IDE: variants seen among roughly 807,000 people sequenced by gnomAD.
IDE encodes insulin-degrading enzyme.
Under a neutral mutation model 133.2 loss-of-function variants are expected in IDE, and 58 were observed. That is an observed-to-expected ratio of 0.44 (90% CI 0.35 to 0.54). IDE has a LOEUF of 0.54. Among genes scored for constraint, IDE ranks in the 20% least tolerant of loss-of-function variants. The pLI is 0.00. For missense variants in IDE, 981 were observed against 1,234.0 expected, an observed-to-expected ratio of 0.79 and a Z score of 3.07; for synonymous variants, 396 against 421.3, an observed-to-expected ratio of 0.94 and a Z score of 0.73.
At chr10:92,540,628 G>A (rs534462350) in intron 1 of IDE, among the ~76,000 whole-genome samples, 1 of 152,166 alleles carries the variant, frequency 6.6e-6, no homozygotes, top group South Asian at 2.1e-4. Context: ...GTTTGACTTA[G>A]GTAACCAAAA....
intron 4 of IDE, among the ~76,000 whole-genome samples, chr10:92,526,155 A>C (rs1244447347): frequency 6.6e-6 from 1 of 151,092 alleles, no homozygotes; most frequent in Non-Finnish European, 1.5e-5. Context: ...TCCGTCTCAA[A>C]AAAAAAAAAA....
intron 22 of IDE, among the ~76,000 whole-genome samples, chr10:92,458,907 C>T (rs777028553): frequency 2.6e-5 from 4 of 152,100 alleles, no homozygotes; most frequent in Non-Finnish European, 4.4e-5. Context: ...GCTGGGACTA[C>T]AGGCTATTAT....
intron 22 of IDE, among the ~76,000 whole-genome samples, chr10:92,459,367 T>C (rs906982786): frequency 2.6e-5 from 4 of 152,230 alleles, no homozygotes; most frequent in Non-Finnish European, 4.4e-5. Context: ...AGCCTCATTG[T>C]ACCACTAACT....
chr10:92,536,902 G>A (rs1456289775), intron 2 of IDE, among the ~76,000 whole-genome samples: 1 of 151,590 alleles, frequency 6.6e-6, no homozygotes, highest in East Asian at 1.9e-4. Flanking sequence ...GCTGGGCATG[G>A]AGGCCCATGC....
chr10:92,550,336 G>A (rs1842721080), intron 1 of IDE, among the ~76,000 whole-genome samples: 1 of 151,846 alleles, frequency 6.6e-6, no homozygotes, highest in African/African-American at 2.4e-5. Context: ...ATGGGCAAAG[G>A]TCTTAAAAAG....
At chr10:92,483,364 G>A (rs1290482166) in intron 13 of IDE, 27 bp from the exon 14 acceptor site, 3 of 1,277,174 alleles carry the variant, frequency 2.3e-6, no homozygotes, top group Non-Finnish European at 3.4e-6. Context: ...ATTTGGTTAG[G>A]GAAATAGAGG....
chr10:92,502,682 C>T (rs149609497), intron 11 of IDE, among the ~76,000 whole-genome samples: 12 of 152,278 alleles, frequency 7.9e-5, no homozygotes, highest in Non-Finnish European at 1.6e-4. Context: ...TAACATATTA[C>T]GTTATACAAA....
At chr10:92,526,867 AAAG>A (rs1849653766) in intron 4 of IDE, among the ~76,000 whole-genome samples, 1 of 151,078 alleles carries the variant, frequency 6.6e-6, no homozygotes, top group African/African-American at 2.4e-5. Context: ...AAAAAAAAAA[AAAG>A]GACAGGGTCT....
intron 1 of IDE, among the ~76,000 whole-genome samples, chr10:92,549,935 G>A (rs1280426855): frequency 6.6e-6 from 1 of 152,078 alleles, no homozygotes; most frequent in Non-Finnish European, 1.5e-5. Flanking sequence ...TTGGGAGGCC[G>A]AGGCAGGCAG....
intron 21 of IDE, among the ~76,000 whole-genome samples, chr10:92,463,503 G>A (rs1845505397): frequency 1.3e-5 from 2 of 152,096 alleles, no homozygotes; most frequent in African/African-American, 2.4e-5. Flanking sequence ...TGTGAGATAT[G>A]GGTAGATCCA....
In IDE at chr10:92,505,748, T is replaced by C. The variant is rs79840545; in HGVS notation, c.1326+694A>G. Among the ~76,000 whole-genome samples, 18 of 152,216 alleles carry C rather than the reference T, an allele frequency of 1.2e-4. No homozygotes were observed. The East Asian group carries it at 2.9e-3, about 24-fold the overall frequency. ...AGAACCTAGCCAGGCAAAGATCAGA[T>C]AGAACAGTGTTTCATGTAGAGAAAA... is the stretch of plus-strand genomic sequence containing the variant. On this transcript the variant is annotated intron_variant, in intron 10 of 24. Coordinates refer to ENST00000265986, the MANE Select transcript of IDE (RefSeq NM_004969.4).
intron 4 of IDE, among the ~76,000 whole-genome samples, chr10:92,525,445 C>G (rs1849571645): frequency 6.6e-6 from 1 of 152,040 alleles, no homozygotes; most frequent in African/African-American, 2.4e-5. Flanking sequence ...TCATATGGAA[C>G]AGCGAAAAAG....
chr10:92,473,765 G>C (rs980417277), intron 17 of IDE, among the ~76,000 whole-genome samples: 17 of 152,130 alleles, frequency 1.1e-4, no homozygotes, highest in African/African-American at 4.1e-4. Context: ...CGGATCACCG[G>C]AGGTCAGGAG....
At chr10:92,542,722 C>T (rs956696964) in intron 1 of IDE, among the ~76,000 whole-genome samples, 5 of 152,128 alleles carry the variant, frequency 3.3e-5, no homozygotes, top group African/African-American at 7.2e-5. Context: ...GAAGGGAATT[C>T]GTGAGCGAAG....
chr10:92,461,285 AT>A, intron 21 of IDE, 33 bp from the exon 22 acceptor site: 2 of 1,083,092 alleles, frequency 1.8e-6, no homozygotes, highest in Non-Finnish European at 1.4e-6. Flanking sequence ...TTTTACTAAC[AT>A]TTTCATATGA....
Position 92,454,439 on chromosome 10 carries a change from A to C in IDE, c.*5T>G, listed in dbSNP as rs770778578. On this transcript the variant is annotated 3_prime_UTR_variant, in exon 25 of 25. Transcript: ENST00000265986. ...CACTTGCACTTTCCCATGCATGGGG[A>C]ATCTTCAGAGTTTTGCAGCCATGAA... 152 of 1,595,566 alleles carry C rather than the reference A, an allele frequency of 9.5e-5. No individual in the cohort carries two copies. The highest frequency in any genetic ancestry group is 1.3e-4 in the Non-Finnish European group (148 of 1,163,194).
chr10:92,484,423 C>G (rs961634200), intron 13 of IDE, among the ~76,000 whole-genome samples: 9 of 150,684 alleles, frequency 6.0e-5, no homozygotes, highest in Admixed American at 4.0e-4. Flanking sequence ...TCTCAAAAAA[C>G]AAAACAAAAC....
chr10:92,514,941 C>T lies in IDE; in HGVS notation c.763G>A (p.Ala255Thr). ...HSAYYSSNLMAVCVLGRESLD... is the reference protein window; with the variant it reads ...HSAYYSSNLMTVCVLGRESLD... ...TTACCTCGACCTAAAACACAAACAG[C>T]CATTAAGTTGGATGAATAGTAAGCA... The change falls in exon 5 of 25, where the codon GCT becomes ACT. Residue 255 changes from alanine to threonine, a missense_variant. Ala to Thr is a moderately conservative substitution (Grantham distance 58). This residue lies in a region of IDE where 321 missense variants were observed against 339.3 expected (regional missense o/e 0.95). Coordinates refer to ENST00000265986, the MANE Select transcript of IDE (RefSeq NM_004969.4). The T allele has an allele frequency of 6.2e-7, 1 of 1,612,158 alleles. No individual in the cohort carries two copies. The highest frequency in any genetic ancestry group is 8.5e-7 in the Non-Finnish European group (1 of 1,178,964).
chr10:92,537,143 G>T (rs1397987467), intron 2 of IDE, among the ~76,000 whole-genome samples: 1 of 151,882 alleles, frequency 6.6e-6, no homozygotes, highest in Non-Finnish European at 1.5e-5. Flanking sequence ...TTTGCTGCTA[G>T]GTCACCTTAG....
Sources: gnomAD v4.1 joint callset for allele counts (sites outside exome capture counted in the v4.1 genomes callset) on GRCh38, gnomAD v4.1.1 for gene constraint, gnomAD v4.1.1 regional missense constraint, MANE v1.5 for transcripts, NCBI Gene and HGNC (gene_info 2026-07-23, HGNC 2026-07-21) for gene names.